The following LRRC4C variants were observed in gnomAD, a reference collection of about 807,000 sequenced individuals.
LRRC4C encodes the protein leucine rich repeat containing 4C.
Under a neutral mutation model 33.6 loss-of-function variants are expected in LRRC4C, and 5 were observed. The ratio of observed to expected loss-of-function variants is 0.15; its 90% CI spans 0.08 to 0.31. The LOEUF (loss-of-function observed/expected upper bound fraction) is 0.31, where lower values mean the gene tolerates loss of function less well. Among genes scored for constraint, LRRC4C ranks in the 10% least tolerant of loss-of-function variants. LRRC4C has a pLI of 1.00. For missense variants in LRRC4C, 560 were observed against 796.7 expected, an observed-to-expected ratio of 0.70 and a Z score of 3.58; for synonymous variants, 329 against 302.0, an observed-to-expected ratio of 1.09 and a Z score of -0.93.
At chr11:41,239,670 T>A (rs189114971) in intron 1 of LRRC4C, among the ~76,000 whole-genome samples, 4 of 152,272 alleles carry the variant, frequency 2.6e-5, no homozygotes, top group Admixed American at 2.0e-4. Context: ...TTTTTTCTCT[T>A]TTCATTTTTA....
intron 3 of LRRC4C, among the ~76,000 whole-genome samples, chr11:40,407,820 C>T (rs545441369): frequency 6.6e-6 from 1 of 151,960 alleles, no homozygotes; most frequent in Non-Finnish European, 1.5e-5. Context: ...ATGTAAATTC[C>T]ATGTAATTGC....
intron 6 of LRRC4C, among the ~76,000 whole-genome samples, chr11:40,125,429 C>A (rs61911790): frequency 0.064 from 9,697 of 152,092 alleles, 431 homozygotes; most frequent in Non-Finnish European, 0.091. Context: ...AATTAATGAA[C>A]CCTGTAACTG....
intron 1 of LRRC4C, among the ~76,000 whole-genome samples, chr11:41,345,724 A>C (rs997702569): frequency 1.3e-5 from 2 of 152,154 alleles, no homozygotes; most frequent in Non-Finnish European, 2.9e-5. Flanking sequence ...TCCAGCCCCT[A>C]CAGATTTCTC....
At chr11:40,474,866 C>T (rs906259363) in intron 3 of LRRC4C, among the ~76,000 whole-genome samples, 1 of 148,152 alleles carries the variant, frequency 6.7e-6, no homozygotes, top group South Asian at 2.2e-4. Context: ...AAATGCAAAT[C>T]GTCATTAGAT....
At chr11:41,306,730 T>G (rs1194009192) in intron 1 of LRRC4C, among the ~76,000 whole-genome samples, 2 of 152,182 alleles carry the variant, frequency 1.3e-5, no homozygotes, top group Non-Finnish European at 2.9e-5. Context: ...GTGGGCGGAT[T>G]TGAACAAAGT....
chr11:40,933,269 CA>C (rs1957714081), intron 2 of LRRC4C, among the ~76,000 whole-genome samples: 1 of 152,166 alleles, frequency 6.6e-6, no homozygotes, highest in Admixed American at 6.6e-5. Context: ...TGACTCCTGG[CA>C]AAACTGTAAT....
intron 5 of LRRC4C, among the ~76,000 whole-genome samples, chr11:40,181,474 G>A (rs893061270): frequency 4.6e-5 from 7 of 152,054 alleles, no homozygotes; most frequent in Non-Finnish European, 1.0e-4. Context: ...AGGCACATGG[G>A]GTACACTACA....
chr11:40,506,692 TA>T lies in LRRC4C; in HGVS notation c.-270+141449del, dbSNP rs1955053011. ...ATACAAAATAACATAAAAATAGCCATAAAAATTAGGAAAGAAATTGGATTAG... is the reference window on the plus strand; with the variant it reads ...ATACAAAATAACATAAAAATAGCCATAAAATTAGGAAAGAAATTGGATTAG... On this transcript the variant is annotated intron_variant, in intron 3 of 6. Transcript: ENST00000528697. Among the ~76,000 whole-genome samples, 3 of 152,092 alleles carry T rather than the reference TA, an allele frequency of 2.0e-5. No homozygotes were observed. In the South Asian group the frequency reaches 6.2e-4, roughly 31 times the overall value.
intron 4 of LRRC4C, among the ~76,000 whole-genome samples, chr11:40,246,452 A>G (rs1489242953): frequency 6.6e-6 from 1 of 152,160 alleles, no homozygotes; most frequent in Non-Finnish European, 1.5e-5. Context: ...AAATGATAAC[A>G]TGGCATTTCA....
At chr11:40,669,725 G>A (rs1246311699) in intron 2 of LRRC4C, among the ~76,000 whole-genome samples, 2 of 152,264 alleles carry the variant, frequency 1.3e-5, no homozygotes, top group Non-Finnish European at 2.9e-5. Flanking sequence ...TGATTTGGCT[G>A]TGCCACTTGG....
chr11:40,339,866 T>G (rs1946791009), intron 3 of LRRC4C, among the ~76,000 whole-genome samples: 1 of 152,158 alleles, frequency 6.6e-6, no homozygotes, highest in Non-Finnish European at 1.5e-5. Context: ...AACTTCATGT[T>G]TTAGGGCAAT....
At chr11:40,205,718 A>T (rs964792955) in intron 5 of LRRC4C, among the ~76,000 whole-genome samples, 9 of 152,162 alleles carry the variant, frequency 5.9e-5, no homozygotes, top group African/African-American at 1.9e-4. Context: ...TTTAAAATTA[A>T]GGGGTAATCA....
At chr11:40,421,565 G>C (rs894878451) in intron 3 of LRRC4C, among the ~76,000 whole-genome samples, 1 of 152,312 alleles carries the variant, frequency 6.6e-6, no homozygotes, top group South Asian at 2.1e-4. Flanking sequence ...CCCTAATTTG[G>C]TAACAGTCCT....
At chr11:40,969,074 G>A (rs1188036547) in intron 1 of LRRC4C, among the ~76,000 whole-genome samples, 1 of 152,056 alleles carries the variant, frequency 6.6e-6, no homozygotes, top group Non-Finnish European at 1.5e-5. Context: ...CATGAAAAGA[G>A]GTCAAAATAT....
At chr11:40,388,158 G>T (rs1020237304) in intron 3 of LRRC4C, among the ~76,000 whole-genome samples, 5 of 152,086 alleles carry the variant, frequency 3.3e-5, no homozygotes, top group African/African-American at 9.7e-5. Context: ...AAGAGAGGCT[G>T]TTTTTCCCAA....
At chr11:41,117,022 C>T (rs1342484832) in intron 1 of LRRC4C, among the ~76,000 whole-genome samples, 1 of 142,608 alleles carries the variant, frequency 7.0e-6, no homozygotes, top group Non-Finnish European at 1.5e-5. Context: ...TTTGCTTTGG[C>T]CAGTAGAATG....
At chr11:40,471,199 C>G (rs763394077) in intron 3 of LRRC4C, among the ~76,000 whole-genome samples, 1 of 152,144 alleles carries the variant, frequency 6.6e-6, no homozygotes, top group African/African-American at 2.4e-5. Context: ...TGCAAAAACC[C>G]TACAAGCCAG....
intron 2 of LRRC4C, among the ~76,000 whole-genome samples, chr11:40,841,347 T>C (rs529623003): frequency 6.6e-6 from 1 of 152,306 alleles, no homozygotes; most frequent in South Asian, 2.1e-4. Flanking sequence ...ATGGACTGAA[T>C]ACGCATACCC....
At chr11:40,696,095 GTA>G (rs150296016) in intron 2 of LRRC4C, among the ~76,000 whole-genome samples, 13,657 of 138,828 alleles carry the variant, frequency 0.098, 784 homozygotes, top group Middle Eastern at 0.15. Flanking sequence ...ATGAGTGTGT[GTA>G]TATATATATA....
Sources: allele counts gnomAD v4.1 joint callset (sites outside exome capture counted in the v4.1 genomes callset), GRCh38; gene constraint gnomAD v4.1.1; transcripts MANE v1.5; gene names NCBI Gene and HGNC (gene_info 2026-07-23, HGNC 2026-07-21).